The following FYN variants were observed in gnomAD, a reference collection of about 807,000 sequenced individuals.
FYN encodes tyrosine-protein kinase Fyn.
In FYN, 10 loss-of-function variants were observed where a neutral mutation model predicts 70.2. The ratio of observed to expected loss-of-function variants is 0.14; its 90% CI spans 0.09 to 0.24. FYN has a LOEUF of 0.24. Ranked by LOEUF, FYN falls within the 10% of genes least tolerant of loss-of-function variation. FYN has a pLI of 1.00. For missense variants in FYN, 319 were observed against 673.1 expected (o/e 0.47, Z 5.82); for synonymous variants, 236 against 248.6 (o/e 0.95, Z 0.48).
At chr6:111,763,863 T>C (rs1803103442) in intron 3 of FYN, among the ~76,000 whole-genome samples, 1 of 152,194 alleles carries the variant, frequency 6.6e-6, no homozygotes, top group Non-Finnish European at 1.5e-5. Context: ...TTTCCATTGT[T>C]ATAAAATGTG....
At chr6:111,731,159 G>A (rs900733875) in intron 3 of FYN, among the ~76,000 whole-genome samples, 2 of 152,204 alleles carry the variant, frequency 1.3e-5, no homozygotes, top group Non-Finnish European at 2.9e-5. Flanking sequence ...AACCCGCCCT[G>A]CCAATCTTCC....
In FYN at chr6:111,837,564, G is replaced by A. The variant is rs146381048; in HGVS notation, c.-82+9025C>T. Among the ~76,000 whole-genome samples the A allele has an allele frequency of 7.2e-5, 11 of 152,310 alleles. No individual in the cohort carries two copies. In the East Asian group the frequency reaches 2.1e-3, roughly 29 times the overall value. ...TTGGGAGTTAGTCCATCCATGGCCA[G>A]TACTGACCAAAGAAAGGGGGTACAA... On this transcript the variant is annotated intron_variant, in intron 2 of 13. Coordinates refer to ENST00000354650, the MANE Select transcript of FYN (RefSeq NM_002037.5).
intron 1 of FYN, among the ~76,000 whole-genome samples, chr6:111,853,628 T>G (rs1320572639): frequency 6.6e-6 from 1 of 152,138 alleles, no homozygotes; most frequent in East Asian, 1.9e-4. Flanking sequence ...ATATGAATTT[T>G]TAACTTTAGA....
At chr6:111,872,669 T>G (rs1583510255) in intron 1 of FYN, among the ~76,000 whole-genome samples, 1 of 151,582 alleles carries the variant, frequency 6.6e-6, no homozygotes, top group African/African-American at 2.4e-5. Context: ...GGGCGGAGTC[T>G]GGGCCAGCCT....
intron 3 of FYN, among the ~76,000 whole-genome samples, chr6:111,753,647 A>T (rs1182577121): frequency 1.3e-5 from 2 of 152,166 alleles, no homozygotes. Flanking sequence ...AAAAAAAAAA[A>T]AAAGTTGCCT....
intron 1 of FYN, among the ~76,000 whole-genome samples, chr6:111,850,468 A>C (rs1773654318): frequency 1.3e-5 from 2 of 152,244 alleles, no homozygotes; most frequent in Non-Finnish European, 2.9e-5. Flanking sequence ...AGAACCTCAG[A>C]ACCGTACGTG....
intron 2 of FYN, among the ~76,000 whole-genome samples, chr6:111,836,891 C>T (rs1436462294): frequency 1.3e-5 from 2 of 152,146 alleles, no homozygotes; most frequent in Non-Finnish European, 2.9e-5. Flanking sequence ...ATCTAGAAAA[C>T]ACAAAAGCCT....
chr6:111,702,052 A>G (rs1300807175), intron 8 of FYN, among the ~76,000 whole-genome samples: 2 of 152,218 alleles, frequency 1.3e-5, no homozygotes, highest in Non-Finnish European at 2.9e-5. Context: ...ACAATAGAAA[A>G]TGGAGAAATG....
chr6:111,661,757 T>C lies in FYN; in HGVS notation c.1596A>G (p.Gln532=). ...DYFTATEPQY[Q]PGENL is the part of the protein sequence containing the mutation. ...CCGGGCCTTACAGGTTTTCACCAGGTTGGTACTGGGGCTCTGTCGCGGTAA... is the reference window on the plus strand; with the variant it reads ...CCGGGCCTTACAGGTTTTCACCAGGCTGGTACTGGGGCTCTGTCGCGGTAA... Residue 532 remains glutamine, a synonymous_variant, in exon 14 of 14, where the codon CAA becomes CAG. Transcript: ENST00000354650. This position sits in a 1 kb window ranked among gnomAD's most constrained non-coding sequence, Gnocchi z 4.0. 2 of 1,613,958 alleles carry C rather than the reference T, an allele frequency of 1.2e-6. No homozygotes were observed. Among genetic ancestry groups the C allele is most frequent in the Non-Finnish European group, 1.7e-6 (2 of 1,179,910 alleles).
chr6:111,760,116 G>A (rs527273526), intron 3 of FYN, among the ~76,000 whole-genome samples: 5 of 151,898 alleles, frequency 3.3e-5, no homozygotes, highest in South Asian at 2.1e-4. Context: ...CACCCATACC[G>A]TACTGTGAAA....
intron 12 of FYN, among the ~76,000 whole-genome samples, chr6:111,689,476 A>G (rs760179594): frequency 8.5e-5 from 13 of 152,236 alleles, no homozygotes; most frequent in Non-Finnish European, 1.9e-4. Context: ...CAGAGAGATG[A>G]GGGCATGTGT....
chr6:111,784,289 G>C (rs1364753351), intron 2 of FYN, among the ~76,000 whole-genome samples: 2 of 152,076 alleles, frequency 1.3e-5, no homozygotes, highest in East Asian at 3.9e-4. Flanking sequence ...CCTTGACTTG[G>C]GTTTTCAATT....
chr6:111,822,594 C>G (rs1046543662), intron 2 of FYN, among the ~76,000 whole-genome samples: 2 of 150,796 alleles, frequency 1.3e-5, no homozygotes, highest in African/African-American at 2.4e-5. Flanking sequence ...CAAACCTGCA[C>G]GTTGTGCACA....
chr6:111,772,940 A>G (rs1024449293), intron 3 of FYN, among the ~76,000 whole-genome samples: 1 of 151,892 alleles, frequency 6.6e-6, no homozygotes, highest in Non-Finnish European at 1.5e-5. Flanking sequence ...ATATAAAATT[A>G]TTATTAAATT....
At chr6:111,669,326 T>C (rs1031306031) in intron 13 of FYN, among the ~76,000 whole-genome samples, 1 of 149,606 alleles carries the variant, frequency 6.7e-6, no homozygotes. Flanking sequence ...TCCCAGCTTC[T>C]TGGGAGGCTG....
At chr6:111,741,949 T>A (rs192340935) in intron 3 of FYN, among the ~76,000 whole-genome samples, 1 of 152,314 alleles carries the variant, frequency 6.6e-6, no homozygotes, top group African/African-American at 2.4e-5. Context: ...TATGCCATAT[T>A]GCCTCTTACG....
At chr6:111,666,685 T>C (rs772036194) in intron 13 of FYN, among the ~76,000 whole-genome samples, 3 of 152,108 alleles carry the variant, frequency 2.0e-5, no homozygotes, top group Non-Finnish European at 4.4e-5. Context: ...GTACAAAAAT[T>C]ACCTGGGCAT....
intron 12 of FYN, among the ~76,000 whole-genome samples, chr6:111,677,158 C>A (rs1049633768): frequency 6.6e-6 from 1 of 152,174 alleles, no homozygotes; most frequent in African/African-American, 2.4e-5. Flanking sequence ...TTACACCAAA[C>A]AATGTATTTA....
intron 2 of FYN, among the ~76,000 whole-genome samples, chr6:111,794,288 G>T (rs1771733377): frequency 6.6e-6 from 1 of 152,162 alleles, no homozygotes; most frequent in Admixed American, 6.5e-5. Flanking sequence ...CCTTTAAGAA[G>T]GTCCCCCATC....
Sources: allele counts gnomAD v4.1 joint callset (sites outside exome capture counted in the v4.1 genomes callset), GRCh38; gene constraint gnomAD v4.1.1; non-coding constraint Gnocchi (gnomAD v3.1); transcripts MANE v1.5; gene names NCBI Gene and HGNC (gene_info 2026-07-23, HGNC 2026-07-21).